The following CABP1 variants were observed in gnomAD, a reference collection of about 807,000 sequenced individuals.
CABP1 encodes the protein calcium-binding protein 1.
In CABP1, 17 loss-of-function variants were observed where a neutral mutation model predicts 34.3. That is an observed-to-expected ratio of 0.50 (90% CI 0.34 to 0.74). The LOEUF (loss-of-function observed/expected upper bound fraction) is 0.74. CABP1 is among the 30% of genes least tolerant of loss of function. The probability of loss-of-function intolerance (pLI) is 0.01; values close to 1 mark genes in which losing one functional copy is unlikely to be tolerated. For synonymous variants in CABP1, 198 were observed against 229.2 expected (o/e 0.86, Z 1.23); for missense variants, 373 against 511.1 (o/e 0.73, Z 2.61).
chr12:120,668,299 A>G (rs1441647953), downstream of CABP1, among the ~76,000 whole-genome samples: 2 of 152,162 alleles, frequency 1.3e-5, no homozygotes, highest in African/African-American at 2.4e-5. Flanking sequence ...GGAGTTCAAG[A>G]CTAACCTGAC....
At position 120,641,511 on chromosome 12, in the gene CABP1, C is replaced by T; in HGVS notation, c.654+172C>T. Reference sequence around the variant, plus strand: ...CTTGCCGGCACTCCTCCTCCCCGTGCCTGATTCAGCACCCCGTGCGCTGTC... The same window carrying T: ...CTTGCCGGCACTCCTCCTCCCCGTGTCTGATTCAGCACCCCGTGCGCTGTC... On this transcript the variant is annotated intron_variant, in intron 1 of 5. Transcript: ENST00000316803. This position sits in a 1 kb window ranked among gnomAD's most constrained non-coding sequence, Gnocchi z 6.7. 1.6e-6 allele frequency: 1 copy of T among 620,980 alleles called. No homozygotes were observed. The highest frequency in any genetic ancestry group is 2.3e-6 in the Non-Finnish European group (1 of 431,114). The allele number at this position is 620,980 out of a possible 1,614,324, so 38.5% of individuals were successfully genotyped here. A position where few individuals can be genotyped will look rare whatever the true frequency, so the allele number is the denominator to read the frequency against.
At chr12:120,680,495 G>A in the CABP1 span, among the ~76,000 whole-genome samples, 1 of 152,168 alleles carries the variant, frequency 6.6e-6, no homozygotes, top group Non-Finnish European at 1.5e-5. Flanking sequence ...AGCTGAAAGA[G>A]GTGGGAATGC....
In CABP1 at chr12:120,660,787, G is replaced by A. The variant is rs2137363020; in HGVS notation, c.886G>A (p.Ala296Thr). Residue 296 changes from alanine to threonine, a missense_variant, in exon 4 of 6, where the codon GCA (alanine) becomes ACA (threonine). Physicochemically the swap from Ala to Thr is moderately conservative, Grantham distance 58 (BLOSUM62 0). This residue lies in a region of CABP1 where 109 missense variants were observed against 204.8 expected (regional missense o/e 0.53). Coordinates refer to ENST00000316803, the MANE Select transcript of CABP1 (RefSeq NM_001033677.2). The surrounding 1 kb of genome is among the most constrained non-coding windows in gnomAD (Gnocchi z 5.0). ...GGAGCTAATGGGGCCTAAACTCCTG[G>A]CAGAGACAGCAGATATGATTGGTGT... ...FVELMGPKLL[A>T]ETADMIGVKE... 1 of 1,614,064 alleles carries A rather than the reference G, an allele frequency of 6.2e-7. No homozygotes were observed. The highest frequency in any genetic ancestry group is 8.5e-7 in the Non-Finnish European group (1 of 1,179,960).
intron 1 of CABP1, among the ~76,000 whole-genome samples, chr12:120,646,283 A>G (rs1879535132): frequency 6.6e-6 from 1 of 152,190 alleles, no homozygotes. Context: ...TGATAGTTCA[A>G]ATGCTGGTGA....
chr12:120,655,469 G>A, intron 1 of CABP1: 1 of 996,572 alleles, frequency 1.0e-6, no homozygotes, highest in Non-Finnish European at 1.2e-6. Flanking sequence ...CTTTGCCCCA[G>A]TCCCCACCTC....
chr12:120,652,475 G>A (rs1200329691), intron 1 of CABP1, among the ~76,000 whole-genome samples: 1 of 152,100 alleles, frequency 6.6e-6, no homozygotes, highest in Non-Finnish European at 1.5e-5. Context: ...TGGACTCAGA[G>A]ATAGAGCCTT....
chr12:120,649,509 G>T (rs1879711091), intron 1 of CABP1, among the ~76,000 whole-genome samples: 1 of 152,188 alleles, frequency 6.6e-6, no homozygotes, highest in South Asian at 2.1e-4. Context: ...GGACGAGGAA[G>T]AGCCAGTCAT....
At chr12:120,657,411 C>T (rs977444536) in intron 1 of CABP1, among the ~76,000 whole-genome samples, 3 of 152,186 alleles carry the variant, frequency 2.0e-5, no homozygotes, top group African/African-American at 7.2e-5. Context: ...ACCCATTTTA[C>T]AGATGAGGAG....
rs914309812 is a variant in CABP1, at chr12:120,643,267, A to G, written c.654+1928A>G. On this transcript the variant is annotated intron_variant, in intron 1 of 5. Transcript: ENST00000316803. ...TTTTACTTTAAAGCCCAGCACATTC[A>G]GTTTGGGCTTCCATCTGACACCTCG... Among the ~76,000 whole-genome samples, 3 of 152,142 alleles carry G rather than the reference A, an allele frequency of 2.0e-5. 1 individual carries two copies. The highest frequency in any genetic ancestry group is 7.2e-5 in the African/African-American group (3 of 41,434).
At chr12:120,668,591 C>T (rs1053223210), downstream of CABP1, among the ~76,000 whole-genome samples, 1 of 152,210 alleles carries the variant, frequency 6.6e-6, no homozygotes, top group African/African-American at 2.4e-5. Flanking sequence ...TCAGTTTCTT[C>T]CTGTGTAATG....
At position 120,660,365 on chromosome 12, in the gene CABP1, G is replaced by T; in HGVS notation, c.829+26G>T. 6.2e-7 allele frequency: 1 copy of T among 1,605,306 alleles called. No homozygotes were observed. The highest frequency in any genetic ancestry group is 8.5e-7 in the Non-Finnish European group (1 of 1,177,152). On this transcript the variant is annotated intron_variant, in intron 3 of 5. Coordinates refer to ENST00000316803, the MANE Select transcript of CABP1 (RefSeq NM_001033677.2). The surrounding 1 kb of genome is among the most constrained non-coding windows in gnomAD (Gnocchi z 5.0). ...GTGAGTCCCTCTACCAGGCATCTGC[G>T]TCCCTTCGGTCCTCACCCTTGCCGT...
chr12:120,656,282 T>C, intron 1 of CABP1: 4 of 1,537,838 alleles, frequency 2.6e-6, no homozygotes, highest in Non-Finnish European at 2.6e-6. Flanking sequence ...TGTACGTAAG[T>C]TGGCCCAGTG....
chr12:120,650,425 A>G, intron 1 of CABP1: 8 of 1,331,122 alleles, frequency 6.0e-6, no homozygotes, highest in Non-Finnish European at 7.9e-6. Context: ...ACACACACAC[A>G]ATCCACCCAA....
chr12:120,656,217 T>C, intron 1 of CABP1: 1 of 1,594,360 alleles, frequency 6.3e-7, no homozygotes, highest in Non-Finnish European at 8.6e-7. Context: ...ATGCACAACC[T>C]GCTGGGCCCT....
At position 120,641,690 on chromosome 12, in the gene CABP1, C is replaced by A; in HGVS notation, c.654+351C>A. 1 of 210,674 alleles carries A rather than the reference C, an allele frequency of 4.7e-6. No homozygotes were observed. The allele number at this position is 210,674 out of a possible 1,614,324, so 13.1% of individuals were successfully genotyped here. On this transcript the variant is annotated intron_variant, in intron 1 of 5. Coordinates refer to ENST00000316803, the MANE Select transcript of CABP1 (RefSeq NM_001033677.2). The surrounding 1 kb of genome is among the most constrained non-coding windows in gnomAD (Gnocchi z 6.7). ...CTCCGAGCAGGTGGCGCCAAACCCACTCCTCTGGCCTCTGGCCAGTACCGC... is the reference window on the plus strand; with the variant it reads ...CTCCGAGCAGGTGGCGCCAAACCCAATCCTCTGGCCTCTGGCCAGTACCGC...
At chr12:120,676,601 A>C in the CABP1 span, among the ~76,000 whole-genome samples, 1 of 151,624 alleles carries the variant, frequency 6.6e-6, no homozygotes, top group African/African-American at 2.4e-5. Context: ...CTAATTTTGT[A>C]TTTTTAGTAA....
At position 120,641,492 on chromosome 12, in the gene CABP1, G is replaced by A. The variant is rs936094044; in HGVS notation, c.654+153G>A. On this transcript the variant is annotated intron_variant, in intron 1 of 5. Transcript: ENST00000316803. This position sits in a 1 kb window ranked among gnomAD's most constrained non-coding sequence, Gnocchi z 6.7. Reference sequence around the variant, plus strand: ...TCCTCCCCGGGCCGGCGCCCTTGCCGGCACTCCTCCTCCCCGTGCCTGATT... The same window carrying A: ...TCCTCCCCGGGCCGGCGCCCTTGCCAGCACTCCTCCTCCCCGTGCCTGATT... The A allele has an allele frequency of 2.5e-6, 2 of 807,324 alleles. No individual in the cohort carries two copies. The highest frequency in any genetic ancestry group is 3.3e-6 in the Non-Finnish European group (2 of 601,068). The allele number at this position is 807,324 out of a possible 1,614,324, so 50.0% of individuals were successfully genotyped here.
chr12:120,671,882 C>A (rs897349135), downstream of CABP1, among the ~76,000 whole-genome samples: 1 of 152,010 alleles, frequency 6.6e-6, no homozygotes, highest in African/African-American at 2.4e-5. Flanking sequence ...GGTTGGGCAA[C>A]ATAGTGAGAC....
the CABP1 span, among the ~76,000 whole-genome samples, chr12:120,675,020 C>A: frequency 6.6e-6 from 1 of 151,836 alleles, no homozygotes; most frequent in Non-Finnish European, 1.5e-5. Flanking sequence ...GGGAGTCCCT[C>A]ACTGTTTATT....
Sources: gnomAD v4.1 joint callset for allele counts (sites outside exome capture counted in the v4.1 genomes callset) on GRCh38, gnomAD v4.1.1 for gene constraint, gnomAD v4.1.1 regional missense constraint, Gnocchi (gnomAD v3.1) non-coding constraint, MANE v1.5 for transcripts, NCBI Gene and HGNC (gene_info 2026-07-23, HGNC 2026-07-21) for gene names.